PTK7: variants seen among roughly 807,000 people sequenced by gnomAD.
PTK7 encodes protein tyrosine kinase 7 (inactive), also known as inactive tyrosine-protein kinase 7.
PTK7 carries 39 observed loss-of-function variants against 116.6 expected under a neutral mutation model. The observed-to-expected ratio is 0.33, with a 90% CI of 0.26 to 0.44. The LOEUF is 0.44. Ranked by LOEUF, PTK7 falls within the 20% of genes least tolerant of loss-of-function variation. The pLI is 1.00. For missense variants in PTK7, 1,169 were observed against 1,425.6 expected, an observed-to-expected ratio of 0.82 and a Z score of 2.90; for synonymous variants, 546 against 563.6, an observed-to-expected ratio of 0.97 and a Z score of 0.44.
At chr6:43,135,101 T>C (rs868297070) in intron 7 of PTK7, among the ~76,000 whole-genome samples, 6 of 152,156 alleles carry the variant, frequency 3.9e-5, no homozygotes, top group Non-Finnish European at 7.4e-5. Context: ...TTCATGTGTG[T>C]TCAAGTTGGG....
rs762086314 is a variant in PTK7, at chr6:43,130,434, G to T, written c.661+14G>T. ...TGAGCATTGCTGGTGAGCCTGGGGT[G>T]GGGGCGGAAGGGATGAGGTGAGCAC... On this transcript the variant is annotated intron_variant, in intron 4 of 19. Coordinates refer to ENST00000230419, the MANE Select transcript of PTK7 (RefSeq NM_002821.5). The T allele has an allele frequency of 1.9e-6, 3 of 1,602,326 alleles. No homozygotes were observed. Among genetic ancestry groups the T allele is most frequent in the Admixed American group, 1.7e-5 (1 of 59,724 alleles).
Position 43,157,368 on chromosome 6 carries a change from T to A in PTK7, c.2722-1449T>A, listed in dbSNP as rs1456510213. 4.7e-3 allele frequency among the ~76,000 whole-genome samples: 304 copies of A among 64,276 alleles called. 9 individuals carry two copies. Among genetic ancestry groups the A allele is most frequent in the African/African-American group, 0.015 (232 of 15,696 alleles). The allele number at this position is 64,276 out of a possible 152,430, so 42.2% of individuals were successfully genotyped here. ...TATATATATATATATATATATATTT[T>A]TTTTTTTCTTTTTTTTTTTTTTTTT... On this transcript the variant is annotated intron_variant, in intron 17 of 19. Transcript: ENST00000230419.
chr6:43,139,364 G>A lies in PTK7; in HGVS notation c.1499-42G>A. The A allele has an allele frequency of 6.2e-7, 1 of 1,614,026 alleles. No individual in the cohort carries two copies. The highest frequency in any genetic ancestry group is 1.1e-5 in the South Asian group (1 of 91,074). On this transcript the variant is annotated intron_variant, in intron 9 of 19. Transcript: ENST00000230419. This position sits in a 1 kb window ranked among gnomAD's most constrained non-coding sequence, Gnocchi z 4.6. ...AGGCCTGGCCACGGCCTCTCCAGCGGCCCCAATTCCTCGTCTTTCTACCCA... is the reference window on the plus strand; with the variant it reads ...AGGCCTGGCCACGGCCTCTCCAGCGACCCCAATTCCTCGTCTTTCTACCCA...
Position 43,132,008 on chromosome 6 carries a change from C to T in PTK7, c.813-8C>T, listed in dbSNP as rs1193322493. 2 of 1,613,826 alleles carry T rather than the reference C, an allele frequency of 1.2e-6. No individual in the cohort carries two copies. The highest frequency in any genetic ancestry group is 1.7e-6 in the Non-Finnish European group (2 of 1,180,024). On this transcript the variant is annotated splice_region_variant and splice_polypyrimidine_tract_variant and intron_variant, in intron 5 of 19. Transcript: ENST00000230419. ...CACTTTCTCCAAATTGCACTCTCCC[C>T]TCTGCAGCCCCCCACACCTCCGCAG...
Position 43,094,700 on chromosome 6 carries a change from G to T in PTK7, c.79+18133G>T, listed in dbSNP as rs190965425. Among the ~76,000 whole-genome samples, 267 of 151,806 alleles carry T rather than the reference G, an allele frequency of 1.8e-3. 2 individuals are homozygous for T. Among genetic ancestry groups the T allele is most frequent in the African/African-American group, 5.4e-3 (223 of 41,408 alleles). The stretch of plus-strand genomic sequence containing the variant: ...TCAGCGTGTTAGCCAGGATGGTCTC[G>T]ATCTCCTGACCTCGTCATCCGCCCG... On this transcript the variant is annotated intron_variant, in intron 1 of 19. Transcript: ENST00000230419.
intron 1 of PTK7, among the ~76,000 whole-genome samples, chr6:43,095,406 A>C (rs1005406758): frequency 1.3e-5 from 2 of 152,092 alleles, no homozygotes; most frequent in East Asian, 1.9e-4. Context: ...ACAACAACAA[A>C]AAAACCCACA....
At chr6:43,089,290 T>C (rs749765265) in intron 1 of PTK7, among the ~76,000 whole-genome samples, 2 of 152,188 alleles carry the variant, frequency 1.3e-5, no homozygotes, top group Non-Finnish European at 2.9e-5. Flanking sequence ...TGGGAACCTA[T>C]GTTCTGTCAA....
At chr6:43,159,727 G>C (rs1771724578) in intron 18 of PTK7, 61 bp from the exon 19 acceptor site, 1 of 1,551,494 alleles carries the variant, frequency 6.4e-7, no homozygotes, top group African/African-American at 1.4e-5. Context: ...GGGGAGATGA[G>C]GGTGCAGCGC....
chr6:43,101,591 A>C (rs1767589190), intron 1 of PTK7, among the ~76,000 whole-genome samples: 1 of 152,060 alleles, frequency 6.6e-6, no homozygotes, highest in South Asian at 2.1e-4. Flanking sequence ...TAGTTGTATC[A>C]AATAGTTTTG....
chr6:43,136,995 C>G (rs1770080932), intron 7 of PTK7, among the ~76,000 whole-genome samples: 1 of 152,110 alleles, frequency 6.6e-6, no homozygotes, highest in African/African-American at 2.4e-5. Context: ...CAGGATGAGA[C>G]CCTGTCTCAC....
intron 1 of PTK7, among the ~76,000 whole-genome samples, chr6:43,093,908 A>T (rs1394410873): frequency 6.6e-6 from 1 of 152,184 alleles, no homozygotes; most frequent in Non-Finnish European, 1.5e-5. Context: ...AAAGTTTCCC[A>T]CTGGCCACTT....
chr6:43,086,302 G>A (rs1766648145), intron 1 of PTK7, among the ~76,000 whole-genome samples: 1 of 152,190 alleles, frequency 6.6e-6, no homozygotes, highest in Non-Finnish European at 1.5e-5. Context: ...TCTGTGCTGT[G>A]GGGAGGTTCC....
intron 1 of PTK7, among the ~76,000 whole-genome samples, chr6:43,082,809 A>G (rs952674229): frequency 4.6e-5 from 7 of 152,226 alleles, no homozygotes; most frequent in Non-Finnish European, 1.0e-4. Flanking sequence ...TCAGAACCTC[A>G]GCTTTTCCTA....
intron 1 of PTK7, among the ~76,000 whole-genome samples, chr6:43,095,494 GGTTTCGGA>G (rs1467720125): frequency 6.6e-6 from 1 of 152,136 alleles, no homozygotes; most frequent in Non-Finnish European, 1.5e-5. Context: ...ACCACATATG[GGTTTCGGA>G]AAGCATTCTT....
At chr6:43,147,186 G>C (rs945237450) in intron 17 of PTK7, among the ~76,000 whole-genome samples, 1 of 152,242 alleles carries the variant, frequency 6.6e-6, no homozygotes, top group Non-Finnish European at 1.5e-5. Flanking sequence ...TTTGCATCTT[G>C]TCCTCTCCCT....
At chr6:43,128,241 G>A (rs949242859) in intron 1 of PTK7, among the ~76,000 whole-genome samples, 2 of 152,146 alleles carry the variant, frequency 1.3e-5, no homozygotes, top group Non-Finnish European at 2.9e-5. Flanking sequence ...CGGCTCCTCA[G>A]CCTGGCATCA....
At chr6:43,082,660 G>A (rs1041623950) in intron 1 of PTK7, among the ~76,000 whole-genome samples, 6 of 152,308 alleles carry the variant, frequency 3.9e-5, no homozygotes, top group South Asian at 4.1e-4. Context: ...CACTTTATGC[G>A]AACACTCCTT....
At position 43,141,607 on chromosome 6, in the gene PTK7, C is replaced by T; in HGVS notation, c.1619-61C>T. Reference sequence around the variant, plus strand: ...TTGAGTAGAGGTGAGGGACTGAAGGCATTGCCAGCTGTCTGTGTAACCCTG... The same window carrying T: ...TTGAGTAGAGGTGAGGGACTGAAGGTATTGCCAGCTGTCTGTGTAACCCTG... On this transcript the variant is annotated intron_variant, in intron 10 of 19. Coordinates refer to ENST00000230419, the MANE Select transcript of PTK7 (RefSeq NM_002821.5). This position sits in a 1 kb window ranked among gnomAD's most constrained non-coding sequence, Gnocchi z 4.9. 1 of 1,554,774 alleles carries T rather than the reference C, an allele frequency of 6.4e-7. No homozygotes were observed. Among genetic ancestry groups the T allele is most frequent in the Non-Finnish European group, 8.8e-7 (1 of 1,137,552 alleles).
chr6:43,144,656 T>A, intron 15 of PTK7, 50 bp downstream of exon 15: 1 of 1,564,160 alleles, frequency 6.4e-7, no homozygotes, highest in Non-Finnish European at 8.7e-7. Context: ...AGTCACCCGC[T>A]GTGTCTTGAG....
Sources: allele counts gnomAD v4.1 joint callset (sites outside exome capture counted in the v4.1 genomes callset), GRCh38; gene constraint gnomAD v4.1.1; non-coding constraint Gnocchi (gnomAD v3.1); transcripts MANE v1.5; gene names NCBI Gene and HGNC (gene_info 2026-07-23, HGNC 2026-07-21).